Variants in DYNC2H1 observed in about 807,000 individuals in gnomAD.
DYNC2H1 encodes cytoplasmic dynein 2 heavy chain 1.
In DYNC2H1, 410 loss-of-function variants were observed where a neutral mutation model predicts 570.0. That is an observed-to-expected ratio of 0.72 (90% CI 0.66 to 0.78). The LOEUF is 0.78. Among genes scored for constraint, DYNC2H1 ranks in the 30% least tolerant of loss-of-function variants. DYNC2H1 has a pLI of 0.00. For synonymous variants in DYNC2H1, 1,688 were observed against 1,677.6 expected (o/e 1.01, Z -0.15); for missense variants, 4,865 against 5,046.4 (o/e 0.96, Z 1.09).
chr11:103,414,532 T>C (rs1314446663), intron 84 of DYNC2H1, among the ~76,000 whole-genome samples: 1 of 152,076 alleles, frequency 6.6e-6, no homozygotes, highest in African/African-American at 2.4e-5. Flanking sequence ...GGCAGAAGAA[T>C]TGTTTGAACC....
In DYNC2H1 at chr11:103,319,398, C is replaced by T. The variant is rs956685032; in HGVS notation, c.11726-1631C>T. Among the ~76,000 whole-genome samples, 17 of 152,038 alleles carry T rather than the reference C, an allele frequency of 1.1e-4. No homozygotes were observed. The highest frequency in any genetic ancestry group is 2.7e-4 in the African/African-American group (11 of 41,426). ...ATTGGTATTGAGAGTAATAGCCATG[C>T]GACCTAGAGCAAGTTTCCTAATCTT... is the stretch of plus-strand genomic sequence containing the variant. On this transcript the variant is annotated intron_variant, in intron 80 of 88. Coordinates refer to ENST00000375735, the MANE Select transcript of DYNC2H1 (RefSeq NM_001377.3). The surrounding 1 kb of genome is among the most constrained non-coding windows in gnomAD (Gnocchi z 4.3).
intron 83 of DYNC2H1, among the ~76,000 whole-genome samples, chr11:103,374,713 C>G (rs1188044042): frequency 6.6e-6 from 1 of 152,116 alleles, no homozygotes; most frequent in Non-Finnish European, 1.5e-5. Context: ...TGACCCTGCC[C>G]TAGAGAACTG....
chr11:103,333,800 A>G (rs1168667145), intron 82 of DYNC2H1, among the ~76,000 whole-genome samples: 1 of 152,208 alleles, frequency 6.6e-6, no homozygotes, highest in East Asian at 1.9e-4. Flanking sequence ...TATCATCATA[A>G]TCATTTAAGG....
At chr11:103,258,467 G>A (rs1865148793) in intron 69 of DYNC2H1, among the ~76,000 whole-genome samples, 1 of 152,176 alleles carries the variant, frequency 6.6e-6, no homozygotes, top group African/African-American at 2.4e-5. Flanking sequence ...TCAGGACTCA[G>A]CAGGGATGAC....
rs763441147 is a variant in DYNC2H1 at position 103,358,259 on chromosome 11, G to A, written c.12056G>A (p.Arg4019Lys). ...TTTATTCAGGTTATTTCACAGTTGA[G>A]GATTTTGGGCAGATCCATAACAGCT... ...MISSQVISQL[R>K]ILGRSITAGS... Residue 4019 changes from arginine to lysine, a missense_variant, in exon 83 of 89, where the codon AGG (arginine) becomes AAG (lysine). Around this residue, in one of 5 missense-constraint regions of DYNC2H1, gnomAD observed 2,401 missense variants for 2,454.6 expected, o/e 0.98. Coordinates refer to ENST00000375735, the MANE Select transcript of DYNC2H1 (RefSeq NM_001377.3). The A allele has an allele frequency of 3.2e-6, 5 of 1,577,096 alleles. No individual in the cohort carries two copies. Among genetic ancestry groups the A allele is most frequent in the Non-Finnish European group, 4.3e-6 (5 of 1,159,452 alleles).
chr11:103,178,437 C>A (rs1861714901), intron 38 of DYNC2H1, among the ~76,000 whole-genome samples: 1 of 151,992 alleles, frequency 6.6e-6, no homozygotes, highest in African/African-American at 2.4e-5. Context: ...AAGTAAAGGC[C>A]AGTTATTACC....
intron 63 of DYNC2H1, among the ~76,000 whole-genome samples, chr11:103,238,324 C>T (rs1392887003): frequency 2.0e-5 from 3 of 152,058 alleles, no homozygotes; most frequent in Non-Finnish European, 4.4e-5. Context: ...AATCCCAGCA[C>T]TTTGGGAGGC....
chr11:103,161,168 C>T, intron 29 of DYNC2H1, 124 bp downstream of exon 29: 4 of 469,426 alleles, frequency 8.5e-6, no homozygotes, highest in Non-Finnish European at 1.5e-5. Flanking sequence ...GGAAACTCAG[C>T]TCATATCTTA....
intron 83 of DYNC2H1, among the ~76,000 whole-genome samples, chr11:103,361,831 C>A (rs913011565): frequency 1.3e-5 from 2 of 152,088 alleles, no homozygotes; most frequent in Non-Finnish European, 2.9e-5. Context: ...ACCATAGAAA[C>A]CTTGAGGAAT....
In DYNC2H1 at chr11:103,116,670, A is replaced by T. The variant is rs183159969; in HGVS notation, c.722A>T (p.Asp241Val). Residue 241 changes from aspartate (D) to valine (V), a missense_variant, in exon 5 of 89, where the codon GAT (aspartate) becomes GTT (valine). Physicochemically the swap from Asp to Val is radical, Grantham distance 152 (BLOSUM62 -3). Coordinates refer to ENST00000375735, the MANE Select transcript of DYNC2H1 (RefSeq NM_001377.3). Reference sequence around the variant, plus strand: ...GATGTGTGGAGACAAACAGAACATGATCATTATCCTGAGTCACGAATGTTG... The same window carrying T: ...GATGTGTGGAGACAAACAGAACATGTTCATTATCCTGAGTCACGAATGTTG... The part of the protein sequence containing the change: ...VDDVWRQTEH[D>V]HYPESRMLHL... The T allele has an allele frequency of 5.5e-5, 88 of 1,607,156 alleles. No homozygotes were observed. The highest frequency in any genetic ancestry group is 2.5e-4 in the Admixed American group (15 of 59,578).
At chr11:103,215,042 G>T (rs1157032695) in intron 54 of DYNC2H1, among the ~76,000 whole-genome samples, 2 of 152,000 alleles carry the variant, frequency 1.3e-5, no homozygotes, top group Non-Finnish European at 2.9e-5. Flanking sequence ...ACTTCTAAGA[G>T]TTTTTTGGTG....
chr11:103,399,715 C>T lies in DYNC2H1; in HGVS notation c.12209C>T (p.Ser4070Phe). The T allele has an allele frequency of 1.2e-6, 2 of 1,613,808 alleles. No homozygotes were observed. The highest frequency in any genetic ancestry group is 1.3e-5 in the African/African-American group (1 of 75,050). Residue 4070 changes from serine (S) to phenylalanine (F), a missense_variant, in exon 84 of 89, where the codon TCT becomes TTT. Ser to Phe is a radical substitution (Grantham distance 155). Transcript: ENST00000375735. ...CCTCCTCCTAACGATCGACAAGGAT[C>T]TCCAATACTGTCATTCATCATTCTT... is the stretch of plus-strand genomic sequence containing the variant. ...KVPPPNDRQG[S>F]PILSFIILEQ... is the part of the protein sequence containing the mutation.
intron 36 of DYNC2H1, among the ~76,000 whole-genome samples, chr11:103,175,620 G>A (rs1861770537): frequency 6.6e-6 from 1 of 152,186 alleles, no homozygotes; most frequent in South Asian, 2.1e-4. Flanking sequence ...AGTGGTATCA[G>A]TATTTGCATT....
At chr11:103,316,642 A>C (rs1937861624) in intron 80 of DYNC2H1, 22 bp downstream of exon 80, 18 of 1,461,984 alleles carry the variant, frequency 1.2e-5, no homozygotes, top group Non-Finnish European at 1.6e-5. Context: ...CAAAAATTTT[A>C]ATCTCATATT....
chr11:103,283,092 C>G lies in DYNC2H1; in HGVS notation c.10890+7C>G. The G allele has an allele frequency of 6.3e-7, 1 of 1,596,092 alleles. No individual in the cohort carries two copies. The highest frequency in any genetic ancestry group is 1.3e-5 in the African/African-American group (1 of 74,676). On this transcript the variant is annotated splice_region_variant and intron_variant, in intron 73 of 88. Transcript: ENST00000375735. ...GGCCGTGGCAACATTAAAGGTATTC[C>G]TTTTCTACTATGAGACATGTTTTAA...
At chr11:103,408,869 G>A (rs2175888) in intron 84 of DYNC2H1, among the ~76,000 whole-genome samples, 49,218 of 151,848 alleles carry the variant, frequency 0.32, 8,089 homozygotes, top group African/African-American at 0.38. Context: ...AATTTTTAAT[G>A]CAATGGTAAT....
At position 103,185,285 on chromosome 11, in the gene DYNC2H1, A is replaced by G. The variant is rs1427351238; in HGVS notation, c.6633+234A>G. On this transcript the variant is annotated intron_variant, in intron 41 of 88. Coordinates refer to ENST00000375735, the MANE Select transcript of DYNC2H1 (RefSeq NM_001377.3). This position sits in a 1 kb window ranked among gnomAD's most constrained non-coding sequence, Gnocchi z 4.5. ...TTATAAAATAATGTTTTATAAGTTA[A>G]AGTTTGGACCATATCTTTTTTAAGT... 6.6e-6 allele frequency among the ~76,000 whole-genome samples: 1 copy of G among 151,792 alleles called. No homozygotes were observed. Among genetic ancestry groups the G allele is most frequent in the Admixed American group, 6.6e-5 (1 of 15,188 alleles).
intron 81 of DYNC2H1, among the ~76,000 whole-genome samples, chr11:103,322,571 T>A (rs985948880): frequency 1.3e-5 from 2 of 152,256 alleles, no homozygotes; most frequent in South Asian, 4.1e-4. Context: ...ACGTGGTATA[T>A]ATATATTTTT....
rs557981360 is a variant in DYNC2H1, at chr11:103,278,983, TG to T, written c.10696-1363del. ...GGAGAACAAGGCCTACCCAGTCTCATGGAGAGTAGAGTTAGTATACTGTGTG... is the reference window on the plus strand; with the variant it reads ...GGAGAACAAGGCCTACCCAGTCTCATGAGAGTAGAGTTAGTATACTGTGTG... On this transcript the variant is annotated intron_variant, in intron 70 of 88. Coordinates refer to ENST00000375735, the MANE Select transcript of DYNC2H1 (RefSeq NM_001377.3). Among the ~76,000 whole-genome samples, 482 of 152,332 alleles carry T rather than the reference TG, an allele frequency of 3.2e-3. 3 individuals are homozygous for T. Among genetic ancestry groups the T allele is most frequent in the Non-Finnish European group, 4.9e-3 (335 of 68,030 alleles).
Sources: gnomAD v4.1 joint callset for allele counts (sites outside exome capture counted in the v4.1 genomes callset) on GRCh38, gnomAD v4.1.1 for gene constraint, gnomAD v4.1.1 regional missense constraint, Gnocchi (gnomAD v3.1) non-coding constraint, MANE v1.5 for transcripts, NCBI Gene and HGNC (gene_info 2026-07-23, HGNC 2026-07-21) for gene names.